ZFHX3: variants seen among roughly 807,000 people sequenced by gnomAD.
The protein encoded by ZFHX3 is zinc finger homeobox 3.
A neutral mutation model predicts 279.1 loss-of-function variants in ZFHX3; 42 were observed. That is an observed-to-expected ratio of 0.15 (90% CI 0.12 to 0.19). ZFHX3 has a LOEUF of 0.19. Among genes scored for constraint, ZFHX3 ranks in the 10% least tolerant of loss-of-function variants. ZFHX3 has a pLI of 1.00. For missense variants in ZFHX3, 4,981 were observed against 4,754.0 expected, an observed-to-expected ratio of 1.05 and a Z score of -1.40; for synonymous variants, 2,293 against 1,957.8, an observed-to-expected ratio of 1.17 and a Z score of -4.52.
intron 4 of ZFHX3, among the ~76,000 whole-genome samples, chr16:72,886,099 C>A (rs145080605): frequency 6.6e-6 from 1 of 152,098 alleles, no homozygotes; most frequent in African/African-American, 2.4e-5. Flanking sequence ...AGAGCCAACC[C>A]CTGGGGAGAG....
chr16:73,752,967 A>G (rs914081839), intron 1 of ZFHX3, among the ~76,000 whole-genome samples: 1 of 152,134 alleles, frequency 6.6e-6, no homozygotes, highest in African/African-American at 2.4e-5. Context: ...ACTTGCTACA[A>G]TATATTTGTA....
intron 3 of ZFHX3, among the ~76,000 whole-genome samples, chr16:73,405,688 A>T (rs1395934961): frequency 1.3e-5 from 2 of 152,114 alleles, no homozygotes; most frequent in Non-Finnish European, 2.9e-5. Context: ...ACAGCTTCAG[A>T]CTAGGGATGC....
chr16:72,920,088 C>G (rs990690165), intron 3 of ZFHX3, among the ~76,000 whole-genome samples: 3 of 151,834 alleles, frequency 2.0e-5, no homozygotes, highest in African/African-American at 7.3e-5. Flanking sequence ...CTACTGCGCC[C>G]GGTCCCTGCA....
chr16:73,817,133 C>A (rs1960597353), intron 1 of ZFHX3, among the ~76,000 whole-genome samples: 1 of 152,122 alleles, frequency 6.6e-6, no homozygotes, highest in South Asian at 2.1e-4. Flanking sequence ...CCCTGGGTGA[C>A]CACACAGCTG....
intron 3 of ZFHX3, among the ~76,000 whole-genome samples, chr16:72,892,772 T>C (rs997804079): frequency 1.1e-4 from 16 of 152,172 alleles, no homozygotes; most frequent in African/African-American, 3.9e-4. Flanking sequence ...TCTCCTAAAG[T>C]AGCTGGGATT....
At chr16:72,936,246 T>C (rs1015350247) in intron 3 of ZFHX3, among the ~76,000 whole-genome samples, 4 of 152,208 alleles carry the variant, frequency 2.6e-5, no homozygotes, top group East Asian at 1.9e-4. Context: ...CATGAGGCTG[T>C]TGTACCTGTT....
At chr16:73,753,735 C>T (rs1017202117) in intron 1 of ZFHX3, among the ~76,000 whole-genome samples, 3 of 152,150 alleles carry the variant, frequency 2.0e-5, no homozygotes, top group Non-Finnish European at 4.4e-5. Flanking sequence ...GATCGCCTGT[C>T]CTGCATCAAG....
intron 7 of ZFHX3, among the ~76,000 whole-genome samples, chr16:73,118,230 A>C (rs1966455006): frequency 6.6e-6 from 1 of 152,108 alleles, no homozygotes. Flanking sequence ...GTTGTTGTTG[A>C]GACAGTCTCA....
At chr16:73,862,488 G>A (rs1193921579) in intron 1 of ZFHX3, among the ~76,000 whole-genome samples, 1 of 152,160 alleles carries the variant, frequency 6.6e-6, no homozygotes, top group Non-Finnish European at 1.5e-5. Context: ...AGAAAGATGT[G>A]ACGAGGACGG....
At position 73,104,570 on chromosome 16, in the gene ZFHX3, G is replaced by T. The variant is rs1379398189; in HGVS notation, c.-896-10972C>A. 2.0e-5 allele frequency among the ~76,000 whole-genome samples: 3 copies of T among 152,168 alleles called. No individual in the cohort carries two copies. The East Asian group carries it at 5.8e-4, about 29-fold the overall frequency. On this transcript the variant is annotated intron_variant, in intron 7 of 17. Transcript: ENST00000641206. Reference sequence around the variant, plus strand: ...TGTGACCATTTGGGCAAATCTCTCAGTGAAGGAGTGGGACATTTTCTTTAC... The same window carrying T: ...TGTGACCATTTGGGCAAATCTCTCATTGAAGGAGTGGGACATTTTCTTTAC...
At chr16:73,137,867 A>T (rs576469055) in intron 6 of ZFHX3, among the ~76,000 whole-genome samples, 20 of 151,458 alleles carry the variant, frequency 1.3e-4, no homozygotes, top group Admixed American at 5.3e-4. Flanking sequence ...GCTACTCAAA[A>T]TTTTTTTTGT....
At chr16:73,091,234 GGA>G (rs1966076881) in intron 8 of ZFHX3, among the ~76,000 whole-genome samples, 1 of 151,052 alleles carries the variant, frequency 6.6e-6, no homozygotes, top group African/African-American at 2.4e-5. Flanking sequence ...AAGAAAGCGG[GGA>G]AAAAAAAAAA....
At chr16:73,799,750 T>C (rs1171723488) in intron 1 of ZFHX3, among the ~76,000 whole-genome samples, 1 of 152,184 alleles carries the variant, frequency 6.6e-6, no homozygotes, top group African/African-American at 2.4e-5. Flanking sequence ...TCCTGTCTTT[T>C]TGAAATTGCT....
chr16:73,753,472 C>T (rs140580810), intron 1 of ZFHX3, among the ~76,000 whole-genome samples: 1 of 152,302 alleles, frequency 6.6e-6, no homozygotes, highest in East Asian at 1.9e-4. Flanking sequence ...CTAAATAACC[C>T]TTCCCTCAAT....
intron 2 of ZFHX3, among the ~76,000 whole-genome samples, chr16:73,530,040 A>G (rs1000054885): frequency 2.6e-5 from 4 of 152,170 alleles, no homozygotes; most frequent in Admixed American, 2.0e-4. Context: ...CGCTGCTGAT[A>G]GAGACATAGC....
chr16:73,681,131 A>T (rs2053005881), intron 1 of ZFHX3, among the ~76,000 whole-genome samples: 1 of 152,196 alleles, frequency 6.6e-6, no homozygotes, highest in African/African-American at 2.4e-5. Flanking sequence ...GTGAAAGTTG[A>T]GGTGGTCAAA....
At chr16:73,291,846 G>C (rs781513436) in intron 4 of ZFHX3, among the ~76,000 whole-genome samples, 3 of 152,214 alleles carry the variant, frequency 2.0e-5, no homozygotes, top group African/African-American at 4.8e-5. Context: ...CTTGGGGGCT[G>C]TCTCTGAGTA....
intron 1 of ZFHX3, among the ~76,000 whole-genome samples, chr16:73,718,787 T>C (rs1322785281): frequency 6.6e-6 from 1 of 151,896 alleles, no homozygotes; most frequent in Non-Finnish European, 1.5e-5. Context: ...AGCTAATTTT[T>C]GTATTTTTAA....
intron 1 of ZFHX3, among the ~76,000 whole-genome samples, chr16:72,987,512 C>A (rs1962898839): frequency 6.6e-6 from 1 of 152,170 alleles, no homozygotes; most frequent in East Asian, 1.9e-4. Flanking sequence ...TCAGCTGCAA[C>A]CAGCAGCTCT....
Sources: gnomAD v4.1 joint callset for allele counts (sites outside exome capture counted in the v4.1 genomes callset) on GRCh38, gnomAD v4.1.1 for gene constraint, MANE v1.5 for transcripts, NCBI Gene and HGNC (gene_info 2026-07-23, HGNC 2026-07-21) for gene names.